The following FAM117B variants were observed in gnomAD, a reference collection of about 807,000 sequenced individuals.
FAM117B encodes family with sequence similarity 117 member B, also known as protein FAM117B.
In FAM117B, 22 loss-of-function variants were observed where a neutral mutation model predicts 52.8. That is an observed-to-expected ratio of 0.42 (90% CI 0.30 to 0.59). FAM117B has a LOEUF of 0.59. FAM117B is among the 20% of genes least tolerant of loss of function. The pLI, the probability that FAM117B is intolerant of heterozygous loss-of-function variation, is 0.22. For synonymous variants in FAM117B, 309 were observed against 324.1 expected, an observed-to-expected ratio of 0.95 and a Z score of 0.50; for missense variants, 678 against 802.6, an observed-to-expected ratio of 0.84 and a Z score of 1.88.
intron 1 of FAM117B, among the ~76,000 whole-genome samples, chr2:202,640,338 ATATATG>A (rs1689752768): frequency 2.7e-5 from 3 of 110,492 alleles, no homozygotes; most frequent in African/African-American, 1.0e-4. Context: ...ATATATATAT[ATATATG>A]GCAAGTCGTG....
At chr2:202,730,859 G>C (rs1436298051) in intron 4 of FAM117B, among the ~76,000 whole-genome samples, 4 of 152,040 alleles carry the variant, frequency 2.6e-5, no homozygotes, top group Non-Finnish European at 5.9e-5. Context: ...TCTTAGAAAT[G>C]ACACTAAAAG....
rs112472043 is a variant in FAM117B, at chr2:202,660,260, T to C, written c.601+24472T>C. Among the ~76,000 whole-genome samples, 52 of 152,070 alleles carry C rather than the reference T, an allele frequency of 3.4e-4. 1 individual carries two copies. Among genetic ancestry groups the C allele is most frequent in the Admixed American group, 8.5e-4 (13 of 15,254 alleles). ...CTGCTTGTTTGTACATTTTGAATAT[T>C]TTACTTGAGACTCTGAGTCCTATTT... On this transcript the variant is annotated intron_variant, in intron 1 of 7. Coordinates refer to ENST00000392238, the MANE Select transcript of FAM117B (RefSeq NM_173511.4).
chr2:202,635,664 C>T lies in FAM117B; in HGVS notation c.477C>T (p.His159=). ...TVSSPSSSPT[H]LWTGEVSAAP... Reference sequence around the variant, plus strand: ...CGTCGCCCAGCTCGTCGCCCACCCACCTGTGGACCGGCGAGGTGAGCGCGG... The same window carrying T: ...CGTCGCCCAGCTCGTCGCCCACCCATCTGTGGACCGGCGAGGTGAGCGCGG... Residue 159 remains histidine (H), a synonymous_variant, in exon 1 of 8, where the codon CAC becomes CAT. Coordinates refer to ENST00000392238, the MANE Select transcript of FAM117B (RefSeq NM_173511.4). 1.4e-6 allele frequency: 2 copies of T among 1,386,514 alleles called. No individual in the cohort carries two copies. Among genetic ancestry groups the T allele is most frequent in the South Asian group, 3.1e-5 (2 of 64,446 alleles). 85.9% of individuals were successfully genotyped at this position (1,386,514 alleles called of 1,614,324 possible). A position where few individuals can be genotyped will look rare whatever the true frequency, so the allele number is the denominator to read the frequency against.
chr2:202,661,321 C>G (rs186189405), intron 1 of FAM117B, among the ~76,000 whole-genome samples: 1 of 152,070 alleles, frequency 6.6e-6, no homozygotes, highest in Non-Finnish European at 1.5e-5. Context: ...ATTTCAGATG[C>G]GTATTTGAAA....
rs555595775 is a variant in FAM117B at position 202,713,601 on chromosome 2, G to A, written c.754-11316G>A. 3.9e-5 allele frequency among the ~76,000 whole-genome samples: 6 copies of A among 152,076 alleles called. No individual in the cohort carries two copies. The South Asian group carries it at 1.2e-3, about 32-fold the overall frequency. On this transcript the variant is annotated intron_variant, in intron 2 of 7. Transcript: ENST00000392238. The stretch of plus-strand genomic sequence containing the variant: ...TCTGGTTCTTTAAGATGCATTATTA[G>A]GTTGTTTATTTCAAGTTTTTCTTGT...
chr2:202,732,549 C>T (rs537671314), intron 4 of FAM117B, among the ~76,000 whole-genome samples: 15 of 152,156 alleles, frequency 9.9e-5, no homozygotes, highest in East Asian at 5.8e-4. Flanking sequence ...CCAGGCACGG[C>T]GGCTTATGCC....
At chr2:202,672,357 C>T (rs988530395) in intron 1 of FAM117B, among the ~76,000 whole-genome samples, 115 of 152,054 alleles carry the variant, frequency 7.6e-4, no homozygotes, top group African/African-American at 2.6e-3. Context: ...GGGTTACAGG[C>T]GTGCGCCACC....
At chr2:202,647,757 T>C (rs1689892379) in intron 1 of FAM117B, among the ~76,000 whole-genome samples, 1 of 152,236 alleles carries the variant, frequency 6.6e-6, no homozygotes, top group Non-Finnish European at 1.5e-5. Context: ...AAACTTGTTT[T>C]TGCTCTTGCC....
chr2:202,719,203 AT>A (rs1474381403), intron 2 of FAM117B, among the ~76,000 whole-genome samples: 1 of 152,078 alleles, frequency 6.6e-6, no homozygotes, highest in Admixed American at 6.5e-5. Flanking sequence ...TTTGCTAGGT[AT>A]TTTTTCCTGC....
At chr2:202,640,657 T>C (rs1230415853) in intron 1 of FAM117B, among the ~76,000 whole-genome samples, 2 of 151,800 alleles carry the variant, frequency 1.3e-5, no homozygotes, top group African/African-American at 2.4e-5. Context: ...TCACCCAGGC[T>C]GGAGTGTAGT....
chr2:202,731,593 GC>G (rs1052279381), intron 4 of FAM117B, among the ~76,000 whole-genome samples: 12 of 150,872 alleles, frequency 8.0e-5, no homozygotes, highest in African/African-American at 2.9e-4. Flanking sequence ...ACCATGCCCG[GC>G]TAATTTTTTG....
intron 1 of FAM117B, among the ~76,000 whole-genome samples, chr2:202,688,023 A>G (rs1414943166): frequency 6.6e-6 from 1 of 152,198 alleles, no homozygotes; most frequent in African/African-American, 2.4e-5. Context: ...TTTTTCCTAA[A>G]TTTTCCCTTA....
intron 1 of FAM117B, among the ~76,000 whole-genome samples, chr2:202,657,662 A>G (rs1690072652): frequency 6.6e-6 from 1 of 151,314 alleles, no homozygotes. Context: ...CTAATTTAAA[A>G]TTTTTTTAGA....
At chr2:202,753,947 C>T (rs1318249685) in intron 4 of FAM117B, among the ~76,000 whole-genome samples, 3 of 152,016 alleles carry the variant, frequency 2.0e-5, no homozygotes, top group Non-Finnish European at 2.9e-5. Context: ...ATTAGTTCAA[C>T]GATTATGGAA....
rs1398425618 is a variant in FAM117B at position 202,656,350 on chromosome 2, A to G, written c.601+20562A>G. 1.3e-5 allele frequency among the ~76,000 whole-genome samples: 2 copies of G among 152,180 alleles called. 1 individual carries two copies. Among genetic ancestry groups the G allele is most frequent in the Non-Finnish European group, 2.9e-5 (2 of 68,022 alleles). ...TTTTCTAATAGAAACATTTAATGCC[A>G]TACATTTTTCTCTAAGCAGTTGTTT... On this transcript the variant is annotated intron_variant, in intron 1 of 7. Coordinates refer to ENST00000392238, the MANE Select transcript of FAM117B (RefSeq NM_173511.4).
chr2:202,714,670 A>G (rs1244133959), intron 2 of FAM117B, among the ~76,000 whole-genome samples: 1 of 150,678 alleles, frequency 6.6e-6, no homozygotes, highest in Non-Finnish European at 1.5e-5. Flanking sequence ...TAGGCAGAGG[A>G]CCCTGCGGCC....
intron 4 of FAM117B, among the ~76,000 whole-genome samples, chr2:202,752,073 A>G (rs575468892): frequency 1.1e-4 from 16 of 152,216 alleles, no homozygotes; most frequent in African/African-American, 3.1e-4. Context: ...ATTAGGAGAC[A>G]CTATATGTGA....
Position 202,724,278 on chromosome 2 carries a change from C to T in FAM117B, c.754-639C>T, listed in dbSNP as rs1057363908. ...CAGGCTGTTCTCGAACTCCTGACCT[C>T]GTGGCCTGTCCGCCTTGGCCTCCCA... On this transcript the variant is annotated intron_variant, in intron 2 of 7. Coordinates refer to ENST00000392238, the MANE Select transcript of FAM117B (RefSeq NM_173511.4). Among the ~76,000 whole-genome samples, 10 of 152,082 alleles carry T rather than the reference C, an allele frequency of 6.6e-5. 1 individual carries two copies. In the East Asian group the frequency reaches 9.6e-4, roughly 15 times the overall value.
intron 1 of FAM117B, among the ~76,000 whole-genome samples, chr2:202,689,254 A>G (rs1270213784): frequency 2.6e-5 from 4 of 152,116 alleles, no homozygotes; most frequent in Admixed American, 2.0e-4. Context: ...CAGCCTGGGC[A>G]ACATGGCAAA....
Sources: gnomAD v4.1 joint callset for allele counts (sites outside exome capture counted in the v4.1 genomes callset) on GRCh38, gnomAD v4.1.1 for gene constraint, MANE v1.5 for transcripts, NCBI Gene and HGNC (gene_info 2026-07-23, HGNC 2026-07-21) for gene names.